Variants in ARHGEF7 observed in about 807,000 individuals in gnomAD.
The protein encoded by ARHGEF7 is PAK-interacting exchange factor beta.
ARHGEF7 carries 33 observed loss-of-function variants against 109.8 expected under a neutral mutation model. That is an observed-to-expected ratio of 0.30 (90% confidence interval 0.23 to 0.40). The LOEUF (loss-of-function observed/expected upper bound fraction) is 0.40. Ranked by LOEUF, ARHGEF7 falls within the 10% of genes least tolerant of loss-of-function variation. ARHGEF7 has a pLI of 1.00. For synonymous variants in ARHGEF7, 458 were observed against 424.6 expected, an observed-to-expected ratio of 1.08 and a Z score of -0.97; for missense variants, 938 against 1,098.5, an observed-to-expected ratio of 0.85 and a Z score of 2.07.
chr13:111,277,365 T>C (rs1450719264), intron 12 of ARHGEF7, among the ~76,000 whole-genome samples: 1 of 152,236 alleles, frequency 6.6e-6, no homozygotes, highest in Non-Finnish European at 1.5e-5. Context: ...TCTCTTTACC[T>C]ATATGTTAAA....
At chr13:111,178,472 T>C (rs571666931) in intron 2 of ARHGEF7, among the ~76,000 whole-genome samples, 1 of 152,362 alleles carries the variant, frequency 6.6e-6, no homozygotes, top group East Asian at 1.9e-4. Flanking sequence ...GGTGATACAG[T>C]ATTCAGATGG....
At chr13:111,287,052 C>G (rs1483416541) in intron 17 of ARHGEF7, among the ~76,000 whole-genome samples, 1 of 152,252 alleles carries the variant, frequency 6.6e-6, no homozygotes, top group African/African-American at 2.4e-5. Context: ...CCCACACGCT[C>G]ACTGTGCCAT....
rs144648360 is a variant in ARHGEF7 at position 111,207,789 on chromosome 13, G to A, written c.338-2083G>A. Among the ~76,000 whole-genome samples the A allele has an allele frequency of 5.8e-4, 89 of 152,288 alleles. 1 individual carries two copies. In the East Asian group the frequency reaches 0.016, roughly 28 times the overall value. On this transcript the variant is annotated intron_variant, in intron 3 of 21. Coordinates refer to ENST00000646102, the MANE Select transcript of ARHGEF7 (RefSeq NM_001354046.2). ...AAATAAGAGAAGTCAGAATCCAGTA[G>A]CTCTCAGGCTATTAGTTTTTACCTC... is the stretch of plus-strand genomic sequence containing the variant.
chr13:111,134,690 T>A (rs1178563207), intron 1 of ARHGEF7, among the ~76,000 whole-genome samples: 4 of 152,244 alleles, frequency 2.6e-5, no homozygotes, highest in Admixed American at 1.3e-4. Context: ...ATTCTGGATA[T>A]TAGCCCTTTG....
intron 2 of ARHGEF7, among the ~76,000 whole-genome samples, chr13:111,166,871 G>A (rs1194801014): frequency 6.6e-6 from 1 of 152,200 alleles, no homozygotes; most frequent in Non-Finnish European, 1.5e-5. Flanking sequence ...TGATGTTCCT[G>A]TTAGTCTGTA....
At chr13:111,277,541 G>T in intron 12 of ARHGEF7, 46 bp from the exon 13 acceptor site, 1 of 1,189,046 alleles carries the variant, frequency 8.4e-7, no homozygotes. Flanking sequence ...CATTTGTTAA[G>T]TAGATGTTTT....
intron 1 of ARHGEF7, among the ~76,000 whole-genome samples, chr13:111,124,023 C>T (rs2067393979): frequency 6.6e-6 from 1 of 152,046 alleles, no homozygotes; most frequent in Non-Finnish European, 1.5e-5. Context: ...TTATTTTGAC[C>T]TACTTTGGCT....
At chr13:111,203,079 A>G (rs1392276187) in intron 2 of ARHGEF7, 2 of 1,282,816 alleles carry the variant, frequency 1.6e-6, no homozygotes, top group Non-Finnish European at 2.0e-6. Context: ...ACATCCTGTT[A>G]TTCTGGGTTT....
chr13:111,134,975 G>C (rs1364162730), intron 1 of ARHGEF7, among the ~76,000 whole-genome samples: 1 of 152,208 alleles, frequency 6.6e-6, no homozygotes, highest in Non-Finnish European at 1.5e-5. Context: ...TTTGTGTAAG[G>C]TGTAAATTTT....
intron 2 of ARHGEF7, among the ~76,000 whole-genome samples, chr13:111,168,530 A>G (rs1235609030): frequency 1.3e-5 from 2 of 152,208 alleles, no homozygotes; most frequent in Non-Finnish European, 2.9e-5. Context: ...GGGTTTCTGC[A>G]TAGAGGTGGA....
At chr13:111,216,020 A>C (rs1480891666) in intron 4 of ARHGEF7, among the ~76,000 whole-genome samples, 1 of 152,094 alleles carries the variant, frequency 6.6e-6, no homozygotes, top group Non-Finnish European at 1.5e-5. Flanking sequence ...TTTATTAATA[A>C]CTTTTTTGTC....
intron 19 of ARHGEF7, chr13:111,294,676 C>T (rs1233036395): frequency 1.6e-5 from 16 of 985,254 alleles, no homozygotes; most frequent in African/African-American, 1.4e-4. Context: ...GTGGCAGTGG[C>T]GATGTGGCAT....
chr13:111,217,499 G>A (rs2083282116), intron 4 of ARHGEF7, among the ~76,000 whole-genome samples, 180 bp from the exon 5 acceptor site: 1 of 152,222 alleles, frequency 6.6e-6, no homozygotes, highest in South Asian at 2.1e-4. Context: ...TGTCCTCTGG[G>A]GCTGGAGTGG....
intron 1 of ARHGEF7, among the ~76,000 whole-genome samples, chr13:111,133,344 GCA>G (rs2074884022): frequency 6.6e-6 from 1 of 151,964 alleles, no homozygotes; most frequent in Non-Finnish European, 1.5e-5. Flanking sequence ...ACATACACAT[GCA>G]CACACATAAA....
At chr13:111,214,350 G>A (rs1289138570) in intron 4 of ARHGEF7, among the ~76,000 whole-genome samples, 3 of 152,212 alleles carry the variant, frequency 2.0e-5, no homozygotes, top group African/African-American at 7.2e-5. Flanking sequence ...GGGTGATCTC[G>A]GGCACCTGAC....
chr13:111,165,636 G>A (rs988635009), intron 2 of ARHGEF7, among the ~76,000 whole-genome samples: 1 of 152,188 alleles, frequency 6.6e-6, no homozygotes, highest in Non-Finnish European at 1.5e-5. Context: ...GTCTTCATTA[G>A]CTGTAGTCTG....
chr13:111,199,441 T>G (rs2080956586), intron 2 of ARHGEF7, among the ~76,000 whole-genome samples: 1 of 152,214 alleles, frequency 6.6e-6, no homozygotes. Flanking sequence ...CGTCCTCTGG[T>G]CAGAGGTTTT....
At chr13:111,248,016 T>G (rs2089186979) in intron 8 of ARHGEF7, among the ~76,000 whole-genome samples, 1 of 152,216 alleles carries the variant, frequency 6.6e-6, no homozygotes, top group Admixed American at 6.5e-5. Context: ...TCTTGAAAAC[T>G]GAAGTTTCTA....
intron 19 of ARHGEF7, chr13:111,293,358 T>C: frequency 1.0e-6 from 1 of 984,264 alleles, no homozygotes; most frequent in Non-Finnish European, 1.2e-6. Context: ...CCCCATAGTA[T>C]AAAACCACAA....
Sources: gnomAD v4.1 joint callset for allele counts (sites outside exome capture counted in the v4.1 genomes callset) on GRCh38, gnomAD v4.1.1 for gene constraint, MANE v1.5 for transcripts, NCBI Gene and HGNC (gene_info 2026-07-23, HGNC 2026-07-21) for gene names.